Variants in FAM135A observed in about 807,000 individuals in gnomAD.
FAM135A encodes protein FAM135A.
FAM135A carries 79 observed loss-of-function variants against 146.8 expected under a neutral mutation model. The observed-to-expected ratio is 0.54, with a 90% CI of 0.45 to 0.65. FAM135A has a LOEUF of 0.65. Among genes scored for constraint, FAM135A ranks in the 30% least tolerant of loss-of-function variants. The probability of loss-of-function intolerance (pLI) is 0.00; values close to 1 mark genes in which losing one functional copy is unlikely to be tolerated. For synonymous variants in FAM135A, 562 were observed against 603.6 expected, an observed-to-expected ratio of 0.93 and a Z score of 1.01; for missense variants, 1,623 against 1,758.2, an observed-to-expected ratio of 0.92 and a Z score of 1.38.
At chr6:70,464,804 T>G (rs183655802) in intron 5 of FAM135A, among the ~76,000 whole-genome samples, 142 of 148,474 alleles carry the variant, frequency 9.6e-4, no homozygotes, top group Non-Finnish European at 1.8e-3. Context: ...GTAGCTGGGA[T>G]TATAGGCATG....
chr6:70,556,990 A>G, intron 21 of FAM135A, 127 bp downstream of exon 21: 1 of 686,722 alleles, frequency 1.5e-6, no homozygotes, highest in East Asian at 2.7e-5. Context: ...CCACCCACTT[A>G]TATTAACAGC....
intron 20 of FAM135A, among the ~76,000 whole-genome samples, chr6:70,540,426 A>T (rs1582851084): frequency 7.0e-6 from 1 of 143,682 alleles, no homozygotes; most frequent in African/African-American, 2.6e-5. Flanking sequence ...CCGAGTTCAC[A>T]CCATTCTCCT....
rs6918182 is a variant in FAM135A at position 70,421,365 on chromosome 6, C to T, written c.-133-5074C>T. Among the ~76,000 whole-genome samples, 1,122 of 152,258 alleles carry T rather than the reference C, an allele frequency of 7.4e-3. 20 individuals carry two copies. The highest frequency in any genetic ancestry group is 0.026 in the African/African-American group (1,079 of 41,554). On this transcript the variant is annotated intron_variant, in intron 2 of 21. Transcript: ENST00000418814. ...TTCAGTTTTTCAGTCACAGTAGTCA[C>T]ATTTCACTCGTTCAGTGGACACATG...
At chr6:70,509,759 T>G (rs1790579216) in intron 12 of FAM135A, among the ~76,000 whole-genome samples, 1 of 152,148 alleles carries the variant, frequency 6.6e-6, no homozygotes, top group Middle Eastern at 3.2e-3. Context: ...TAGCCAAAGT[T>G]GCATATCTTG....
At chr6:70,427,941 T>C (rs953004724) in intron 3 of FAM135A, among the ~76,000 whole-genome samples, 1 of 152,170 alleles carries the variant, frequency 6.6e-6, no homozygotes, top group Non-Finnish European at 1.5e-5. Flanking sequence ...ACATGTGCAA[T>C]GTAGCACAAG....
chr6:70,475,051 C>G (rs925175537), intron 5 of FAM135A, among the ~76,000 whole-genome samples: 3 of 152,130 alleles, frequency 2.0e-5, no homozygotes, highest in Admixed American at 2.0e-4. Context: ...AGCTGAACTC[C>G]TAGCAACCAG....
At chr6:70,558,926 A>G (rs1357907242) in intron 21 of FAM135A, among the ~76,000 whole-genome samples, 5 of 152,358 alleles carry the variant, frequency 3.3e-5, no homozygotes, top group South Asian at 2.1e-4. Context: ...CACGTTGTTC[A>G]TCTGACTATA....
At chr6:70,462,640 T>C (rs1779644807) in intron 5 of FAM135A, among the ~76,000 whole-genome samples, 1 of 150,912 alleles carries the variant, frequency 6.6e-6, no homozygotes, top group South Asian at 2.1e-4. Flanking sequence ...AAAAAAAAAA[T>C]GCAGCTATTG....
intron 19 of FAM135A, among the ~76,000 whole-genome samples, chr6:70,537,232 C>T (rs1197105950): frequency 6.6e-6 from 1 of 152,046 alleles, no homozygotes; most frequent in Admixed American, 6.6e-5. Flanking sequence ...CTGCGCCTGG[C>T]CTTGATTTGC....
chr6:70,527,453 C>A (rs1282443849), intron 15 of FAM135A, among the ~76,000 whole-genome samples: 1 of 152,084 alleles, frequency 6.6e-6, no homozygotes, highest in Non-Finnish European at 1.5e-5. Flanking sequence ...GCTAGTGAAA[C>A]CACTGAGGTA....
At chr6:70,461,666 A>G (rs1482355516) in intron 5 of FAM135A, among the ~76,000 whole-genome samples, 1 of 152,214 alleles carries the variant, frequency 6.6e-6, no homozygotes, top group Non-Finnish European at 1.5e-5. Flanking sequence ...AGAGAAGAAG[A>G]GAACTCCCGA....
rs759304947 is a variant in FAM135A at position 70,556,863 on chromosome 6, G to A, written c.4342G>A (p.Gly1448Arg). 1.2e-6 allele frequency: 2 copies of A among 1,611,880 alleles called. No homozygotes were observed. The highest frequency in any genetic ancestry group is 8.5e-7 in the Non-Finnish European group (1 of 1,178,794). Residue 1448 changes from glycine to arginine, a missense_variant and splice_region_variant, in exon 21 of 22, where the codon GGA becomes AGA. By Grantham distance (125) the Gly-to-Arg change is moderately radical (BLOSUM62 -2). This residue lies in a region of FAM135A where 138 missense variants were observed against 174.1 expected (regional missense o/e 0.79). Transcript: ENST00000418814. ...CKTALKDKQS[G>R]QIYSEMIHNL... ...AACAGCTTTAAAGGACAAACAGTCA[G>A]GTAATGGAATAAAATTATTTCAAAG...
chr6:70,444,275 C>T (rs531793449), intron 4 of FAM135A, among the ~76,000 whole-genome samples: 3 of 152,208 alleles, frequency 2.0e-5, no homozygotes, highest in East Asian at 1.9e-4. Flanking sequence ...TTGTGGCACA[C>T]GCCTGTAATC....
chr6:70,522,807 C>T (rs1030635789), intron 13 of FAM135A, among the ~76,000 whole-genome samples: 1 of 152,036 alleles, frequency 6.6e-6, no homozygotes, highest in Non-Finnish European at 1.5e-5. Flanking sequence ...CACTGTATTC[C>T]TCCCTCCTTT....
intron 20 of FAM135A, among the ~76,000 whole-genome samples, chr6:70,549,405 G>T (rs1365856174): frequency 6.6e-6 from 1 of 151,984 alleles, no homozygotes; most frequent in African/African-American, 2.4e-5. Flanking sequence ...TATAATCTCA[G>T]TTATATTTTT....
chr6:70,504,110 A>C (rs1159496282), intron 12 of FAM135A: 1 of 152,130 alleles, frequency 6.6e-6, no homozygotes, highest in Non-Finnish European at 1.5e-5. Flanking sequence ...ACAGTTTGTT[A>C]CTCCACACAC....
chr6:70,449,867 A>G lies in FAM135A; in HGVS notation c.78-2625A>G, dbSNP rs138602534. On this transcript the variant is annotated intron_variant, in intron 4 of 21. Transcript: ENST00000418814. The stretch of plus-strand genomic sequence containing the variant: ...TTTTCCATAATGGCTGTGCTAATTT[A>G]CATTCTCACCAATAGTGTGCAGTGG... Among the ~76,000 whole-genome samples, 65 of 152,314 alleles carry G rather than the reference A, an allele frequency of 4.3e-4. 1 individual carries two copies. In the East Asian group the frequency reaches 0.012, roughly 29 times the overall value.
intron 5 of FAM135A, among the ~76,000 whole-genome samples, chr6:70,459,874 A>G (rs533374696): frequency 6.6e-6 from 1 of 151,988 alleles, no homozygotes; most frequent in South Asian, 2.1e-4. Context: ...CGACAAATGC[A>G]AAAAAAATTA....
intron 16 of FAM135A, among the ~76,000 whole-genome samples, chr6:70,531,135 G>A (rs1795725427): frequency 6.6e-6 from 1 of 152,150 alleles, no homozygotes; most frequent in Admixed American, 6.5e-5. Context: ...GCTTTTCCAG[G>A]CATTTTTCTG....
Sources: allele counts gnomAD v4.1 joint callset (sites outside exome capture counted in the v4.1 genomes callset), GRCh38; gene constraint gnomAD v4.1.1; regional missense constraint gnomAD v4.1.1; transcripts MANE v1.5; gene names NCBI Gene and HGNC (gene_info 2026-07-23, HGNC 2026-07-21).